Variants in MEP1A observed in about 807,000 individuals in gnomAD.
MEP1A encodes N-benzoyl-L-tyrosyl-P-amino-benzoic acid hydrolase subunit alpha.
In MEP1A, 68 loss-of-function variants were observed where a neutral mutation model predicts 84.5. The observed-to-expected ratio is 0.80, with a 90% CI of 0.66 to 0.98. MEP1A has a LOEUF of 0.98. MEP1A is among the 50% of genes least tolerant of loss of function. The pLI is 0.00. For synonymous variants in MEP1A, 337 were observed against 336.8 expected (o/e 1.00, Z -0.01); for missense variants, 887 against 919.9 (o/e 0.96, Z 0.46).
chr6:46,819,446 C>T, intron 6 of MEP1A, 83 bp from the exon 7 acceptor site: 1 of 1,132,802 alleles, frequency 8.8e-7, no homozygotes, highest in Non-Finnish European at 1.2e-6. Flanking sequence ...CTAATTTCCT[C>T]CTAATTTGTG....
chr6:46,815,283 G>A (rs982041371), intron 6 of MEP1A, among the ~76,000 whole-genome samples: 1 of 152,144 alleles, frequency 6.6e-6, no homozygotes, highest in Non-Finnish European at 1.5e-5. Flanking sequence ...TGGGGAATGG[G>A]GGTGTGGTTT....
intron 10 of MEP1A, among the ~76,000 whole-genome samples, chr6:46,831,688 CA>C (rs1385418118): frequency 2.0e-5 from 3 of 152,320 alleles, no homozygotes; most frequent in Admixed American, 2.0e-4. Flanking sequence ...TACTAATCAG[CA>C]AGAACAGAAT....
intron 4 of MEP1A, 75 bp from the exon 5 acceptor site, chr6:46,799,031 G>C: frequency 1.1e-6 from 1 of 880,610 alleles, no homozygotes; most frequent in South Asian, 1.4e-5. Flanking sequence ...TGCTCTGTGA[G>C]AGTTTAGTGA....
the MEP1A span, among the ~76,000 whole-genome samples, chr6:46,845,168 C>G: frequency 2.1e-4 from 32 of 152,182 alleles, no homozygotes; most frequent in Non-Finnish European, 4.1e-4. Context: ...CAGACTGATA[C>G]AGTGACGTAG....
chr6:46,797,377 A>G (rs1581660632), intron 3 of MEP1A, among the ~76,000 whole-genome samples: 1 of 152,222 alleles, frequency 6.6e-6, no homozygotes, highest in Non-Finnish European at 1.5e-5. Context: ...ATTTTCCTAC[A>G]AAGATCTTCC....
At chr6:46,827,436 C>T (rs1001324152) in intron 9 of MEP1A, among the ~76,000 whole-genome samples, 1 of 152,198 alleles carries the variant, frequency 6.6e-6, no homozygotes, top group African/African-American at 2.4e-5. Context: ...TTTTAGCCTT[C>T]TAGTATTCTG....
intron 5 of MEP1A, among the ~76,000 whole-genome samples, chr6:46,805,947 T>C (rs924412979): frequency 6.6e-6 from 1 of 152,022 alleles, no homozygotes; most frequent in African/African-American, 2.4e-5. Flanking sequence ...GCGCTATTCA[T>C]TTTTCTGAAC....
chr6:46,842,569 C>T (rs889464882), downstream of MEP1A, among the ~76,000 whole-genome samples: 2 of 152,152 alleles, frequency 1.3e-5, no homozygotes, highest in African/African-American at 4.8e-5. Context: ...CAGACTGGTT[C>T]TCTGCTCTCA....
intron 4 of MEP1A, 52 bp downstream of exon 4, chr6:46,798,698 G>T (rs1767122979): frequency 6.6e-7 from 1 of 1,506,398 alleles, no homozygotes; most frequent in South Asian, 1.1e-5. Flanking sequence ...CAGTACCACT[G>T]GGTGTGAGTC....
In MEP1A at chr6:46,839,028, C is replaced by T. The variant is rs762674162; in HGVS notation, c.2133C>T (p.Ala711=). 5.5e-5 allele frequency: 88 copies of T among 1,613,658 alleles called. No homozygotes were observed. The highest frequency in any genetic ancestry group is 6.8e-5 in the Non-Finnish European group (80 of 1,179,764). The change falls in exon 14 of 14, where the codon GCC becomes GCT. Residue 711 remains alanine, a synonymous_variant. Transcript: ENST00000230588. ...AFFYTGERCQ[A]VQVHGSVLGM... Reference sequence around the variant, plus strand: ...TCTACACGGGGGAGCGCTGTCAGGCCGTGCAGGTGCACGGCAGTGTCCTGG... The same window carrying T: ...TCTACACGGGGGAGCGCTGTCAGGCTGTGCAGGTGCACGGCAGTGTCCTGG...
At chr6:46,823,268 A>G (rs557349524) in intron 7 of MEP1A, among the ~76,000 whole-genome samples, 1 of 152,222 alleles carries the variant, frequency 6.6e-6, no homozygotes, top group Non-Finnish European at 1.5e-5. Flanking sequence ...GCAGTCCTGC[A>G]TATAGCTCTG....
chr6:46,828,011 A>G (rs1767986149), intron 9 of MEP1A, among the ~76,000 whole-genome samples: 1 of 152,202 alleles, frequency 6.6e-6, no homozygotes, highest in Non-Finnish European at 1.5e-5. Flanking sequence ...GAGCTCTTGC[A>G]TAGTTACAGG....
intron 5 of MEP1A, among the ~76,000 whole-genome samples, chr6:46,806,300 G>A (rs993207013): frequency 1.3e-5 from 2 of 151,976 alleles, no homozygotes; most frequent in African/African-American, 4.8e-5. Context: ...GTGTTACATT[G>A]TAGTGATTAT....
At position 46,818,490 on chromosome 6, in the gene MEP1A, C is replaced by T. The variant is rs183127435; in HGVS notation, c.381-1039C>T. ...TTGACAATTTAAAGCCAATAGGAGA[C>T]AATTTGTGGAAAGCTTTGGGTTTGC... is the stretch of plus-strand genomic sequence containing the variant. On this transcript the variant is annotated intron_variant, in intron 6 of 13. Transcript: ENST00000230588. Among the ~76,000 whole-genome samples, 392 of 152,148 alleles carry T rather than the reference C, an allele frequency of 2.6e-3. 1 individual carries two copies. The highest frequency in any genetic ancestry group is 9.2e-3 in the African/African-American group (381 of 41,488).
At chr6:46,819,395 C>A (rs1286126503) in intron 6 of MEP1A, 134 bp from the exon 7 acceptor site, 2 of 681,790 alleles carry the variant, frequency 2.9e-6, no homozygotes, top group Non-Finnish European at 4.9e-6. Flanking sequence ...GGACCATTAG[C>A]ATATGAGAAT....
At chr6:46,807,813 AAGAAAG>A (rs1301009912) in intron 5 of MEP1A, among the ~76,000 whole-genome samples, 5 of 149,796 alleles carry the variant, frequency 3.3e-5, no homozygotes, top group Non-Finnish European at 7.5e-5. Flanking sequence ...GAAAGAAAGA[AAGAAAG>A]AAAGAAAGAA....
intron 10 of MEP1A, among the ~76,000 whole-genome samples, chr6:46,832,410 C>T (rs1411336860): frequency 1.3e-5 from 2 of 152,198 alleles, no homozygotes; most frequent in African/African-American, 2.4e-5. Context: ...TCGAAAGTCC[C>T]ACTTCTAGTT....
intron 5 of MEP1A, among the ~76,000 whole-genome samples, chr6:46,801,667 A>G (rs1222272881): frequency 2.6e-5 from 4 of 152,064 alleles, no homozygotes; most frequent in Admixed American, 6.6e-5. Context: ...TTGTGTTTTT[A>G]TATTCTAAGA....
intron 5 of MEP1A, among the ~76,000 whole-genome samples, chr6:46,807,840 G>GAAAGGAAGGAAGA (rs1562107182): frequency 1.9e-5 from 2 of 107,782 alleles, no homozygotes; most frequent in African/African-American, 6.1e-5. Flanking sequence ...AGAAAGAAAG[G>GAAAGGAAGGAAGA]AAGAAAGGAA....
Sources: allele counts gnomAD v4.1 joint callset (sites outside exome capture counted in the v4.1 genomes callset), GRCh38; gene constraint gnomAD v4.1.1; transcripts MANE v1.5; gene names NCBI Gene and HGNC (gene_info 2026-07-23, HGNC 2026-07-21).